The following CA10 variants were observed in gnomAD, a reference collection of about 807,000 sequenced individuals.
CA10 encodes the protein carbonic anhydrase-related protein 10.
CA10 carries 14 observed loss-of-function variants against 44.2 expected under a neutral mutation model. That is an observed-to-expected ratio of 0.32 (90% confidence interval 0.21 to 0.50). The LOEUF (loss-of-function observed/expected upper bound fraction) is 0.50. Among genes scored for constraint, CA10 ranks in the 20% least tolerant of loss-of-function variants. The probability of loss-of-function intolerance (pLI) is 0.99; values close to 1 mark genes in which losing one functional copy is unlikely to be tolerated. For synonymous variants in CA10, 159 were observed against 141.6 expected (o/e 1.12, Z -0.87); for missense variants, 350 against 409.7 (o/e 0.85, Z 1.26).
At chr17:52,029,798 CTT>C (rs1347427551) in intron 2 of CA10, among the ~76,000 whole-genome samples, 1 of 152,090 alleles carries the variant, frequency 6.6e-6, no homozygotes, top group Non-Finnish European at 1.5e-5. Context: ...TTCTAAGAAA[CTT>C]ATAACTCCTT....
In CA10 at chr17:51,956,590, T is replaced by C. The variant is rs571289084; in HGVS notation, c.137-25458A>G. On this transcript the variant is annotated intron_variant, in intron 2 of 8. Transcript: ENST00000451037. ...TAAGAGAAACATACAACAGTGCACA[T>C]TGCAGCACTGCTTGTATTAGCAAAA... Among the ~76,000 whole-genome samples the C allele has an allele frequency of 5.3e-5, 8 of 152,290 alleles. No homozygotes were observed. In the South Asian group the frequency reaches 1.5e-3, roughly 28 times the overall value.
chr17:51,694,635 T>A (rs1222707983), intron 4 of CA10, among the ~76,000 whole-genome samples: 1 of 152,180 alleles, frequency 6.6e-6, no homozygotes, highest in Admixed American at 6.5e-5. Context: ...CTTCTTTTGC[T>A]GTGTAGAAGA....
intron 1 of CA10, among the ~76,000 whole-genome samples, chr17:52,116,541 C>T (rs1464332501): frequency 1.3e-5 from 2 of 152,154 alleles, no homozygotes; most frequent in Admixed American, 1.3e-4. Flanking sequence ...GGGCAGCACC[C>T]TGTCATGGCC....
rs185633573 is a variant in CA10, at chr17:52,035,560, C to T, written c.136+36759G>A. On this transcript the variant is annotated intron_variant, in intron 2 of 8. Coordinates refer to ENST00000451037, the MANE Select transcript of CA10 (RefSeq NM_020178.5). The stretch of plus-strand genomic sequence containing the variant: ...AGGGCAGCTGCCTCACACAAAAAAA[C>T]AAAAGACTCACTGAGCTGTTAACAT... 1.1e-3 allele frequency among the ~76,000 whole-genome samples: 167 copies of T among 152,228 alleles called. 1 individual carries two copies. The highest frequency in any genetic ancestry group is 3.7e-3 in the African/African-American group (154 of 41,538).
chr17:51,855,368 AC>A, intron 3 of CA10, among the ~76,000 whole-genome samples: 1 of 152,214 alleles, frequency 6.6e-6, no homozygotes, highest in Non-Finnish European at 1.5e-5. Context: ...TGTAATATGC[AC>A]CATCCTTTTA....
intron 2 of CA10, among the ~76,000 whole-genome samples, chr17:52,031,566 T>C (rs1318348745): frequency 6.6e-6 from 1 of 152,172 alleles, no homozygotes; most frequent in Non-Finnish European, 1.5e-5. Context: ...CACTGTATAA[T>C]AGGAATAACA....
chr17:51,931,213 C>T lies in CA10; in HGVS notation c.137-81G>A, dbSNP rs563024437. On this transcript the variant is annotated intron_variant, in intron 2 of 8. Transcript: ENST00000451037. ...ATAAATAAACAGAGCTATGTACAAA[C>T]GTGGTAAAATGGAAGAGAACCACCA... 12 of 1,397,224 alleles carry T rather than the reference C, an allele frequency of 8.6e-6. No individual in the cohort carries two copies. The African/African-American group carries it at 8.6e-5, about 10-fold the overall frequency. 86.6% of individuals were successfully genotyped at this position (1,397,224 alleles called of 1,614,324 possible). A position where few individuals can be genotyped will look rare whatever the true frequency, so the allele number is the denominator to read the frequency against.
intron 3 of CA10, among the ~76,000 whole-genome samples, chr17:51,824,783 G>T (rs1907945648): frequency 6.6e-6 from 1 of 152,198 alleles, no homozygotes; most frequent in African/African-American, 2.4e-5. Context: ...TGAAATATGT[G>T]CACGTTTGTG....
At chr17:51,853,984 A>G (rs892113145) in intron 3 of CA10, among the ~76,000 whole-genome samples, 1 of 152,160 alleles carries the variant, frequency 6.6e-6, no homozygotes, top group South Asian at 2.1e-4. Flanking sequence ...GTGAAAACGA[A>G]TGAATACATC....
At chr17:51,707,080 TG>T in intron 4 of CA10, among the ~76,000 whole-genome samples, 1 of 152,334 alleles carries the variant, frequency 6.6e-6, no homozygotes, top group Admixed American at 6.5e-5. Flanking sequence ...AAAGAGTTTT[TG>T]TTCTTTTTTT....
intron 3 of CA10, among the ~76,000 whole-genome samples, chr17:51,793,712 G>A (rs1225257861): frequency 1.3e-5 from 2 of 152,170 alleles, no homozygotes; most frequent in Non-Finnish European, 2.9e-5. Context: ...AGACCCACAT[G>A]GTATCTGTAG....
chr17:52,051,792 G>T (rs746779741), intron 2 of CA10, among the ~76,000 whole-genome samples: 1 of 151,970 alleles, frequency 6.6e-6, no homozygotes, highest in Admixed American at 6.6e-5. Context: ...ATACCCAAAA[G>T]GACATAAATC....
chr17:51,651,942 G>T (rs1373241491), intron 5 of CA10, among the ~76,000 whole-genome samples: 2 of 152,170 alleles, frequency 1.3e-5, no homozygotes, highest in East Asian at 1.9e-4. Context: ...TGTACAAATT[G>T]GTTATCAATG....
chr17:52,136,445 A>G (rs950973666), intron 1 of CA10, among the ~76,000 whole-genome samples: 2 of 152,218 alleles, frequency 1.3e-5, no homozygotes, highest in Non-Finnish European at 2.9e-5. Flanking sequence ...AATTCAGCCA[A>G]CAGCAGCTCC....
At chr17:52,050,573 C>T (rs917447288) in intron 2 of CA10, among the ~76,000 whole-genome samples, 1 of 152,032 alleles carries the variant, frequency 6.6e-6, no homozygotes, top group East Asian at 1.9e-4. Flanking sequence ...CCTACAAGGC[C>T]TCTTCTTCCC....
intron 1 of CA10, among the ~76,000 whole-genome samples, chr17:52,123,327 ATGTG>A (rs36182455): frequency 9.8e-4 from 144 of 147,090 alleles, no homozygotes; most frequent in Middle Eastern, 7.1e-3. Flanking sequence ...TTACATATAT[ATGTG>A]TGTGTGTGTG....
intron 4 of CA10, among the ~76,000 whole-genome samples, chr17:51,701,029 G>A (rs1445776586): frequency 1.3e-5 from 2 of 152,056 alleles, no homozygotes; most frequent in African/African-American, 2.4e-5. Context: ...CATGGCACAC[G>A]TATACCTATG....
intron 3 of CA10, among the ~76,000 whole-genome samples, chr17:51,869,571 A>G (rs1171819232): frequency 1.3e-5 from 2 of 152,192 alleles, no homozygotes; most frequent in African/African-American, 4.8e-5. Flanking sequence ...GGCAGGTTTC[A>G]GAACCCTGGA....
chr17:51,728,734 T>G (rs1916612821), intron 4 of CA10, among the ~76,000 whole-genome samples: 1 of 152,222 alleles, frequency 6.6e-6, no homozygotes, highest in Admixed American at 6.5e-5. Flanking sequence ...AAGATATTAT[T>G]TTCCATTTGC....
Sources: gnomAD v4.1 joint callset for allele counts (sites outside exome capture counted in the v4.1 genomes callset) on GRCh38, gnomAD v4.1.1 for gene constraint, MANE v1.5 for transcripts, NCBI Gene and HGNC (gene_info 2026-07-23, HGNC 2026-07-21) for gene names.